CDH13: variants seen among roughly 807,000 people sequenced by gnomAD.
CDH13 encodes cadherin 13, also known as cadherin-13.
In CDH13, 24 loss-of-function variants were observed where a neutral mutation model predicts 63.8. That is an observed-to-expected ratio of 0.38 (90% CI 0.27 to 0.53). The LOEUF (loss-of-function observed/expected upper bound fraction) is 0.53, where lower values mean the gene tolerates loss of function less well. CDH13 is among the 20% of genes least tolerant of loss of function. CDH13 has a pLI of 0.85. For synonymous variants in CDH13, 503 were observed against 355.3 expected (o/e 1.42, Z -4.67); for missense variants, 1,049 against 903.1 (o/e 1.16, Z -2.07).
chr16:83,300,435 G>A (rs1164880789), intron 5 of CDH13, among the ~76,000 whole-genome samples: 1 of 152,210 alleles, frequency 6.6e-6, no homozygotes, highest in African/African-American at 2.4e-5. Context: ...CTCAAACCTG[G>A]AAGGGAGGAA....
intron 3 of CDH13, among the ~76,000 whole-genome samples, chr16:83,120,497 A>G (rs556682339): frequency 1.3e-5 from 2 of 152,228 alleles, no homozygotes; most frequent in South Asian, 4.1e-4. Context: ...ATACATTGTC[A>G]TCATGAACTG....
chr16:83,066,767 CTG>C (rs1398250809), intron 3 of CDH13, among the ~76,000 whole-genome samples: 1 of 152,182 alleles, frequency 6.6e-6, no homozygotes, highest in Non-Finnish European at 1.5e-5. Context: ...GTCACAGAGA[CTG>C]GAATGCTCAA....
At chr16:82,953,319 TA>T (rs1228284612) in intron 2 of CDH13, 2 of 152,230 alleles carry the variant, frequency 1.3e-5, no homozygotes, top group African/African-American at 4.8e-5. Flanking sequence ...CCAATTTTTA[TA>T]GCAAAAACAG....
Position 83,132,556 on chromosome 16 carries a change from T to C in CDH13, c.483+7055T>C, listed in dbSNP as rs544276554. Among the ~76,000 whole-genome samples, 7 of 148,590 alleles carry C rather than the reference T, an allele frequency of 4.7e-5. No homozygotes were observed. The South Asian group carries it at 1.5e-3, about 33-fold the overall frequency. Reference sequence around the variant, plus strand: ...TCCGCCTCCCAGCTTCAAGCAATTCTCCTGCTCAGCCTCCCTAACTGGGAC... The same window carrying C: ...TCCGCCTCCCAGCTTCAAGCAATTCCCCTGCTCAGCCTCCCTAACTGGGAC... On this transcript the variant is annotated intron_variant, in intron 4 of 13. Coordinates refer to ENST00000567109, the MANE Select transcript of CDH13 (RefSeq NM_001257.5).
At chr16:83,572,643 A>G (rs1904748292) in intron 7 of CDH13, among the ~76,000 whole-genome samples, 2 of 152,196 alleles carry the variant, frequency 1.3e-5, no homozygotes, top group Non-Finnish European at 2.9e-5. Flanking sequence ...TCACCAGTTA[A>G]TTGATGTTAT....
At chr16:83,719,286 C>T (rs759209608) in intron 10 of CDH13, among the ~76,000 whole-genome samples, 1 of 152,200 alleles carries the variant, frequency 6.6e-6, no homozygotes, top group African/African-American at 2.4e-5. Context: ...TGAGGGACCA[C>T]TGCGTACCAG....
intron 3 of CDH13, among the ~76,000 whole-genome samples, chr16:83,090,969 G>A (rs1318729393): frequency 6.6e-6 from 1 of 150,860 alleles, no homozygotes; most frequent in African/African-American, 2.4e-5. Flanking sequence ...CAAGTATATT[G>A]CATATATATA....
intron 5 of CDH13, among the ~76,000 whole-genome samples, chr16:83,231,517 C>G (rs1201231788): frequency 1.3e-5 from 2 of 152,170 alleles, no homozygotes; most frequent in African/African-American, 4.8e-5. Flanking sequence ...CCAGCAGGAG[C>G]TGGTGAGCAC....
At chr16:82,755,202 C>T (rs1417355885) in intron 1 of CDH13, among the ~76,000 whole-genome samples, 1 of 152,176 alleles carries the variant, frequency 6.6e-6, no homozygotes, top group African/African-American at 2.4e-5. Flanking sequence ...AGCCCTACTC[C>T]ATGTTTCCCT....
At chr16:83,295,564 C>T (rs565523311) in intron 5 of CDH13, among the ~76,000 whole-genome samples, 22 of 152,040 alleles carry the variant, frequency 1.4e-4, no homozygotes, top group South Asian at 6.2e-4. Flanking sequence ...GGCCAGCAGG[C>T]ATATTTTTAA....
At chr16:83,448,869 C>T (rs2072792596) in intron 6 of CDH13, among the ~76,000 whole-genome samples, 1 of 152,156 alleles carries the variant, frequency 6.6e-6, no homozygotes, top group Non-Finnish European at 1.5e-5. Flanking sequence ...GCAAAGGTCA[C>T]AGGACTTGAT....
intron 1 of CDH13, among the ~76,000 whole-genome samples, chr16:82,733,058 C>A (rs1283984797): frequency 1.3e-5 from 2 of 152,218 alleles, no homozygotes; most frequent in African/African-American, 4.8e-5. Flanking sequence ...CAGGCATACT[C>A]TGCAATGTGT....
chr16:83,195,532 C>T (rs2038853009), intron 4 of CDH13, among the ~76,000 whole-genome samples: 1 of 152,058 alleles, frequency 6.6e-6, no homozygotes, highest in African/African-American at 2.4e-5. Flanking sequence ...CAGTTTCAAA[C>T]AACCAGATCT....
intron 2 of CDH13, among the ~76,000 whole-genome samples, chr16:83,020,464 A>G (rs1275872419): frequency 6.6e-6 from 1 of 152,174 alleles, no homozygotes; most frequent in East Asian, 1.9e-4. Flanking sequence ...AACAGACCCT[A>G]TGACTGCTCT....
At chr16:83,073,895 A>G (rs2032632779) in intron 3 of CDH13, among the ~76,000 whole-genome samples, 1 of 152,046 alleles carries the variant, frequency 6.6e-6, no homozygotes, top group South Asian at 2.1e-4. Context: ...TTTAGGATAT[A>G]TGTGGTATTT....
At chr16:82,628,193 G>A (rs1389666755) in intron 1 of CDH13, among the ~76,000 whole-genome samples, 1 of 152,184 alleles carries the variant, frequency 6.6e-6, no homozygotes, top group East Asian at 1.9e-4. Flanking sequence ...GTCCCCCATC[G>A]CCTCTCTGGC....
At chr16:83,424,704 C>G (rs191818691) in intron 6 of CDH13, among the ~76,000 whole-genome samples, 50 of 152,286 alleles carry the variant, frequency 3.3e-4, no homozygotes, top group African/African-American at 1.2e-3. Context: ...GACAAATGCT[C>G]TTGGAACATT....
At chr16:83,087,122 T>G (rs1011484047) in intron 3 of CDH13, among the ~76,000 whole-genome samples, 1 of 152,130 alleles carries the variant, frequency 6.6e-6, no homozygotes, top group African/African-American at 2.4e-5. Context: ...TGACATAAAA[T>G]GTACACACAG....
At chr16:83,065,669 C>CA (rs1474337786) in intron 3 of CDH13, among the ~76,000 whole-genome samples, 1 of 145,714 alleles carries the variant, frequency 6.9e-6, no homozygotes, top group African/African-American at 2.6e-5. Flanking sequence ...CGTGCCACTG[C>CA]ATTCTAGCCT....
Sources: gnomAD v4.1 joint callset for allele counts (sites outside exome capture counted in the v4.1 genomes callset) on GRCh38, gnomAD v4.1.1 for gene constraint, MANE v1.5 for transcripts, NCBI Gene and HGNC (gene_info 2026-07-23, HGNC 2026-07-21) for gene names.